Variants in SH3BGRL observed in about 807,000 individuals in gnomAD.
SH3BGRL encodes SH3 domain binding glutamate rich protein like, also known as adapter SH3BGRL.
In SH3BGRL, 7 loss-of-function variants were observed where a neutral mutation model predicts 9.8. The ratio of observed to expected loss-of-function variants is 0.72; its 90% CI spans 0.41 to 1.35. The LOEUF is 1.35. Among genes scored for constraint, SH3BGRL ranks in the 40% most tolerant of loss-of-function variants. SH3BGRL has a pLI of 0.01. For missense variants in SH3BGRL, 73 were observed against 84.4 expected, an observed-to-expected ratio of 0.86 and a Z score of 0.53; for synonymous variants, 36 against 29.1, an observed-to-expected ratio of 1.24 and a Z score of -0.76.
chrX:81,204,022 T>C (rs928626947), intron 1 of SH3BGRL, among the ~76,000 whole-genome samples: 1 of 111,521 alleles, frequency 9.0e-6, no homozygotes, highest in African/African-American at 3.3e-5. Flanking sequence ...ATAGGTAATT[T>C]TACAACCTTT....
intron 1 of SH3BGRL, among the ~76,000 whole-genome samples, chrX:81,274,396 A>C (rs893444072): frequency 2.7e-4 from 30 of 110,766 alleles, no homozygotes; most frequent in African/African-American, 9.5e-4. Context: ...ACAGATCATG[A>C]GGTCAGGAGT....
At chrX:81,255,926 A>G (rs1265924142) in intron 1 of SH3BGRL, among the ~76,000 whole-genome samples, 1 of 112,430 alleles carries the variant, frequency 8.9e-6, no homozygotes, top group African/African-American at 3.2e-5. Context: ...AATAAAGGGA[A>G]GTGGAGAAGT....
At chrX:81,242,286 A>G (rs1423205007) in intron 1 of SH3BGRL, among the ~76,000 whole-genome samples, 1 of 112,282 alleles carries the variant, frequency 8.9e-6, no homozygotes, top group African/African-American at 3.2e-5. Flanking sequence ...CTCATTTTTG[A>G]CAAAACTGCC....
At chrX:81,215,545 G>A (rs888673503) in intron 1 of SH3BGRL, among the ~76,000 whole-genome samples, 6 of 111,203 alleles carry the variant, frequency 5.4e-5, no homozygotes, top group African/African-American at 9.8e-5. Context: ...GTATGGGGAT[G>A]TCAATTTGAG....
intron 1 of SH3BGRL, among the ~76,000 whole-genome samples, chrX:81,224,835 A>G (rs1279944641): frequency 9.0e-6 from 1 of 111,167 alleles, no homozygotes; most frequent in Non-Finnish European, 1.9e-5. Flanking sequence ...TTTTGTCAAT[A>G]GTCTTTTCTC....
rs1373323274 is a variant in SH3BGRL, at chrX:81,203,782, T to C, written c.45+1537T>C. Reference sequence around the variant, plus strand: ...AAGAAACTGCTTTCAGAATTTCTATTCAAGTAAGAATAACTGCACCTCTCT... The same window carrying C: ...AAGAAACTGCTTTCAGAATTTCTATCCAAGTAAGAATAACTGCACCTCTCT... On this transcript the variant is annotated intron_variant, in intron 1 of 3. Transcript: ENST00000373212. Among the ~76,000 whole-genome samples the C allele has an allele frequency of 4.5e-5, 5 of 112,308 alleles. 1 individual carries two copies. Among genetic ancestry groups the C allele is most frequent in the Non-Finnish European group, 9.4e-5 (5 of 53,289 alleles).
intron 1 of SH3BGRL, among the ~76,000 whole-genome samples, chrX:81,243,386 G>A (rs2075677568): frequency 8.9e-6 from 1 of 112,012 alleles, no homozygotes; most frequent in South Asian, 3.7e-4. Flanking sequence ...ACCAGAGATT[G>A]GAAAGGGTAG....
At chrX:81,279,479 A>G (rs1224273175) in intron 3 of SH3BGRL, among the ~76,000 whole-genome samples, 1 of 111,116 alleles carries the variant, frequency 9.0e-6, no homozygotes, top group Admixed American at 9.6e-5. Flanking sequence ...CTGCTCATGT[A>G]GGACTCAGGA....
intron 1 of SH3BGRL, among the ~76,000 whole-genome samples, chrX:81,234,078 T>G (rs1305794394): frequency 1.8e-5 from 2 of 111,649 alleles, no homozygotes; most frequent in Non-Finnish European, 3.8e-5. Flanking sequence ...TTACCTCTAC[T>G]CTCTAGGCTC....
At chrX:81,208,301 A>G (rs1470797522) in intron 1 of SH3BGRL, among the ~76,000 whole-genome samples, 1 of 111,599 alleles carries the variant, frequency 9.0e-6, no homozygotes, top group Non-Finnish European at 1.9e-5. Flanking sequence ...GAAAGATAAA[A>G]TGGACTTATT....
chrX:81,252,868 T>A (rs2075714937), intron 1 of SH3BGRL, among the ~76,000 whole-genome samples: 1 of 107,804 alleles, frequency 9.3e-6, no homozygotes, highest in Non-Finnish European at 1.9e-5. Flanking sequence ...TTCCTGTAAT[T>A]TATACTTACT....
intron 1 of SH3BGRL, among the ~76,000 whole-genome samples, chrX:81,268,721 T>A (rs1482272271): frequency 1.8e-5 from 2 of 111,889 alleles, no homozygotes; most frequent in African/African-American, 6.5e-5. Context: ...GGTCTGTAGA[T>A]GTCTATTAGG....
chrX:81,235,146 A>G (rs757857558), intron 1 of SH3BGRL, among the ~76,000 whole-genome samples: 1 of 111,216 alleles, frequency 9.0e-6, no homozygotes, highest in South Asian at 3.8e-4. Context: ...TATGCTCCAC[A>G]CTGTGCTTAG....
chrX:81,213,466 A>G (rs760658294), intron 1 of SH3BGRL, among the ~76,000 whole-genome samples: 4 of 112,522 alleles, frequency 3.6e-5, no homozygotes, highest in Non-Finnish European at 7.5e-5. Flanking sequence ...GTTGCACATA[A>G]TAGCGTTATG....
intron 3 of SH3BGRL, among the ~76,000 whole-genome samples, chrX:81,295,418 C>T (rs1279171228): frequency 9.0e-6 from 1 of 111,675 alleles, no homozygotes; most frequent in Non-Finnish European, 1.9e-5. Flanking sequence ...GCATCTTCCT[C>T]ATTTTCTCTT....
At chrX:81,288,820 G>C (rs7056716) in intron 3 of SH3BGRL, among the ~76,000 whole-genome samples, 1,542 of 111,273 alleles carry the variant, frequency 0.014, 27 homozygotes, top group African/African-American at 0.046. Context: ...CCATGATCAT[G>C]GATTGAAATA....
chrX:81,246,778 C>A (rs749470936), intron 1 of SH3BGRL, among the ~76,000 whole-genome samples: 1 of 111,160 alleles, frequency 9.0e-6, no homozygotes, highest in Non-Finnish European at 1.9e-5. Flanking sequence ...CTTAGGATTT[C>A]TAGGGCTATT....
At chrX:81,295,009 C>A (rs956136747) in intron 3 of SH3BGRL, among the ~76,000 whole-genome samples, 1 of 112,257 alleles carries the variant, frequency 8.9e-6, no homozygotes, top group African/African-American at 3.2e-5. Flanking sequence ...TTACCCAATG[C>A]CTGTACCATC....
intron 1 of SH3BGRL, among the ~76,000 whole-genome samples, chrX:81,223,528 AT>A (rs2075607239): frequency 9.0e-6 from 1 of 110,883 alleles, no homozygotes; most frequent in Admixed American, 9.6e-5. Flanking sequence ...AAAGCTTAAA[AT>A]AAGTCTGATG....
Sources: gnomAD v4.1 joint callset for allele counts (sites outside exome capture counted in the v4.1 genomes callset) on GRCh38, gnomAD v4.1.1 for gene constraint, MANE v1.5 for transcripts, NCBI Gene and HGNC (gene_info 2026-07-23, HGNC 2026-07-21) for gene names.